Variants in SOX13 observed in about 807,000 individuals in gnomAD.
SOX13 encodes the protein transcription factor SOX-13.
In SOX13, 28 loss-of-function variants were observed where a neutral mutation model predicts 71.8. The ratio of observed to expected loss-of-function variants is 0.39; its 90% CI spans 0.29 to 0.53. The LOEUF is 0.53. Ranked by LOEUF, SOX13 falls within the 20% of genes least tolerant of loss-of-function variation. SOX13 has a pLI of 0.70. For synonymous variants in SOX13, 309 were observed against 317.8 expected (o/e 0.97, Z 0.29); for missense variants, 627 against 810.3 (o/e 0.77, Z 2.75).
intron 1 of SOX13, among the ~76,000 whole-genome samples, chr1:204,110,006 A>G (rs903521768): frequency 1.3e-5 from 2 of 150,414 alleles, no homozygotes; most frequent in Non-Finnish European, 3.0e-5. Flanking sequence ...CTAATTTTGT[A>G]TTTTTAGTAG....
intron 7 of SOX13, 23 bp downstream of exon 7, chr1:204,117,730 C>T (rs1002332744): frequency 8.5e-6 from 13 of 1,528,488 alleles, no homozygotes; most frequent in Non-Finnish European, 9.9e-6. Context: ...AGGGAGGTTC[C>T]ACCACTGCGG....
At chr1:204,077,243 A>G (rs1281520085) in intron 1 of SOX13, among the ~76,000 whole-genome samples, 1 of 152,246 alleles carries the variant, frequency 6.6e-6, no homozygotes, top group Non-Finnish European at 1.5e-5. Context: ...TGGAGAAATC[A>G]GAGGAGAGCC....
In SOX13 at chr1:204,116,895, C is replaced by T. The variant is rs138649885; in HGVS notation, c.591+216C>T. ...GTGGGAGGGTATGAAAGGGACTCTG[C>T]AGGAAGAGCAGCTTGCAGCTTCCTG... is the stretch of plus-strand genomic sequence containing the variant. On this transcript the variant is annotated intron_variant, in intron 5 of 13. Coordinates refer to ENST00000367204, the MANE Select transcript of SOX13 (RefSeq NM_005686.3). 2.8e-3 allele frequency among the ~76,000 whole-genome samples: 422 copies of T among 152,286 alleles called. 1 individual carries two copies. Among genetic ancestry groups the T allele is most frequent in the Admixed American group, 8.6e-3 (131 of 15,308 alleles).
At chr1:204,117,046 T>G (rs1571590592) in intron 5 of SOX13, 76 bp from the exon 6 acceptor site, 1 of 1,416,058 alleles carries the variant, frequency 7.1e-7, no homozygotes, top group Non-Finnish European at 9.9e-7. Flanking sequence ...GAAAGCAGGG[T>G]GTGGTTAGGG....
intron 1 of SOX13, among the ~76,000 whole-genome samples, chr1:204,106,590 A>G (rs1183102243): frequency 6.6e-6 from 1 of 151,172 alleles, no homozygotes; most frequent in African/African-American, 2.4e-5. Context: ...CGTGATCTCA[A>G]CTGACTGCAA....
intron 1 of SOX13, among the ~76,000 whole-genome samples, chr1:204,106,402 A>T (rs1656471193): frequency 6.6e-6 from 1 of 152,154 alleles, no homozygotes; most frequent in Non-Finnish European, 1.5e-5. Context: ...CTCTCTTGTC[A>T]TTCTAAGAAT....
Position 204,121,976 on chromosome 1 carries a change from C to CA in SOX13, c.852_853insA (p.Pro285ThrfsTer62). ...GGCCTGGGGCCATGGCCACCCACCA[C>CA]CCCCTGCAGGTACCGCCCTCTACCC... On this transcript the variant is annotated frameshift_variant, in exon 8 of 14. Coordinates refer to ENST00000367204, the MANE Select transcript of SOX13 (RefSeq NM_005686.3). LOFTEE classifies it high-confidence loss of function. 6.2e-7 allele frequency: 1 copy of CA among 1,604,504 alleles called. No individual in the cohort carries two copies. The highest frequency in any genetic ancestry group is 8.5e-7 in the Non-Finnish European group (1 of 1,171,758).
intron 1 of SOX13, among the ~76,000 whole-genome samples, chr1:204,090,471 T>C (rs1438141837): frequency 4.0e-5 from 6 of 150,474 alleles, no homozygotes; most frequent in Admixed American, 1.3e-4. Context: ...TATAGTGGCA[T>C]GATCTTGGCT....
chr1:204,076,223 G>A (rs1655783495), intron 1 of SOX13, among the ~76,000 whole-genome samples: 1 of 152,142 alleles, frequency 6.6e-6, no homozygotes, highest in Non-Finnish European at 1.5e-5. Context: ...TCTCCAAAAG[G>A]GTGTCCCTTG....
chr1:204,108,826 G>A (rs894825545), intron 1 of SOX13, among the ~76,000 whole-genome samples: 1 of 152,228 alleles, frequency 6.6e-6, no homozygotes, highest in African/African-American at 2.4e-5. Context: ...ATTCAGTGCT[G>A]CTGCCTTTTA....
At position 204,081,023 on chromosome 1, in the gene SOX13, T is replaced by TGG. The variant is rs1655895644; in HGVS notation, c.-2+7313_-2+7314insGG. Among the ~76,000 whole-genome samples the TGG allele has an allele frequency of 6.6e-6, 1 of 150,958 alleles. No homozygotes were observed. The highest frequency in any genetic ancestry group is 2.0e-4 in the East Asian group (1 of 5,042). On this transcript the variant is annotated intron_variant, in intron 1 of 13. Transcript: ENST00000367204. The surrounding 1 kb of genome is among the most constrained non-coding windows in gnomAD (Gnocchi z 4.3). ...GCCTCCCAGGTTCAAGCAATTCTCC[T>TGG]GCCTCAGCCTCCTGAGTAGCTGGGA... is the stretch of plus-strand genomic sequence containing the variant.
chr1:204,123,821 G>C lies in SOX13; in HGVS notation c.1375+17G>C. The C allele has an allele frequency of 6.2e-7, 1 of 1,613,824 alleles. No homozygotes were observed. The highest frequency in any genetic ancestry group is 8.5e-7 in the Non-Finnish European group (1 of 1,179,822). ...AGATCCTTGGTAAGGGCCAGTGGCT[G>C]GGGCCATGGTTCAGTGTGACCTGGT... is the stretch of plus-strand genomic sequence containing the variant. On this transcript the variant is annotated intron_variant, in intron 12 of 13. Transcript: ENST00000367204. This position sits in a 1 kb window ranked among gnomAD's most constrained non-coding sequence, Gnocchi z 5.0.
Position 204,123,950 on chromosome 1 carries a change from G to A in SOX13, c.1375+146G>A. The A allele has an allele frequency of 1.1e-6, 1 of 909,208 alleles. No homozygotes were observed. Among genetic ancestry groups the A allele is most frequent in the East Asian group, 2.7e-5 (1 of 37,612 alleles). The allele number at this position is 909,208 out of a possible 1,614,324, so 56.3% of individuals were successfully genotyped here. On this transcript the variant is annotated intron_variant, in intron 12 of 13. Coordinates refer to ENST00000367204, the MANE Select transcript of SOX13 (RefSeq NM_005686.3). The surrounding 1 kb of genome is among the most constrained non-coding windows in gnomAD (Gnocchi z 5.0). Reference sequence around the variant, plus strand: ...CAGGGGTGCAGGAGTTGCTGGGGATGTGAGGGCAGCTGGGTCCTGGGGTCT... The same window carrying A: ...CAGGGGTGCAGGAGTTGCTGGGGATATGAGGGCAGCTGGGTCCTGGGGTCT...
In SOX13 at chr1:204,114,334, C is replaced by T. The variant is rs756352051; in HGVS notation, c.233C>T (p.Pro78Leu). The change falls in exon 3 of 14, where the codon CCA (proline) becomes CTA (leucine). Residue 78 changes from proline (P) to leucine (L), a missense_variant. Physicochemically the swap from Pro to Leu is moderately conservative, Grantham distance 98 (BLOSUM62 -3). This residue lies in a region of SOX13 where 447 missense variants were observed against 532.2 expected (regional missense o/e 0.84). Coordinates refer to ENST00000367204, the MANE Select transcript of SOX13 (RefSeq NM_005686.3). Reference sequence around the variant, plus strand: ...TATGTCTTGCAGGACTGTAGCTCTCCAGAGGGTAATGGGTCCCCAGAACCC... The same window carrying T: ...TATGTCTTGCAGGACTGTAGCTCTCTAGAGGGTAATGGGTCCCCAGAACCC... ...NFRGSWDCSS[P>L]EGNGSPEPKR... is the part of the protein sequence containing the mutation. 4.4e-6 allele frequency: 7 copies of T among 1,605,316 alleles called. No individual in the cohort carries two copies. The highest frequency in any genetic ancestry group is 6.0e-6 in the Non-Finnish European group (7 of 1,175,400).
rs1242912895 is a variant in SOX13 at position 204,093,297 on chromosome 1, T to TA, written c.-2+19588dup. 3.3e-5 allele frequency among the ~76,000 whole-genome samples: 5 copies of TA among 152,118 alleles called. No homozygotes were observed. The South Asian group carries it at 1.0e-3, about 32-fold the overall frequency. On this transcript the variant is annotated intron_variant, in intron 1 of 13. Coordinates refer to ENST00000367204, the MANE Select transcript of SOX13 (RefSeq NM_005686.3). ...TTTTCTTCCCACCTTAACTGGTTACTAAGGGGACAGTTCTACACTACACAG... is the reference window on the plus strand; with the variant it reads ...TTTTCTTCCCACCTTAACTGGTTACTAAAGGGGACAGTTCTACACTACACAG...
rs1390733150 is a variant in SOX13 at position 204,090,320 on chromosome 1, T to C, written c.-2+16609T>C. On this transcript the variant is annotated intron_variant, in intron 1 of 13. Transcript: ENST00000367204. ...ATTATTATCCTCCACACTGAGCTGA[T>C]GGCCACTTAACCCTGAGGCTGGTTA... Among the ~76,000 whole-genome samples the C allele has an allele frequency of 4.6e-5, 7 of 152,184 alleles. No homozygotes were observed. In the Middle Eastern group the frequency reaches 0.014, roughly 296 times the overall value.
intron 1 of SOX13, among the ~76,000 whole-genome samples, chr1:204,112,541 G>A (rs981495774): frequency 5.2e-5 from 6 of 115,282 alleles, no homozygotes; most frequent in African/African-American, 1.7e-4. Flanking sequence ...TCTCTCTCTC[G>A]CTGTCGCTCT....
At chr1:204,079,984 CAGCT>C (rs757805873) in intron 1 of SOX13, among the ~76,000 whole-genome samples, 1 of 151,850 alleles carries the variant, frequency 6.6e-6, no homozygotes, top group South Asian at 2.1e-4. Flanking sequence ...AGGGTGTGCA[CAGCT>C]AGGAGACGTC....
Position 204,117,649 on chromosome 1 carries a change from G to A in SOX13, c.717G>A (p.Leu239=). The part of the protein sequence containing the change: ...IPAFPPSHQP[L]PVTPDSQLAL... ...CCTTCCCCCCAAGCCACCAACCTCTGCCTGTCACCCCTGACTCCCAGCTGG... is the reference window on the plus strand; with the variant it reads ...CCTTCCCCCCAAGCCACCAACCTCTACCTGTCACCCCTGACTCCCAGCTGG... The change falls in exon 7 of 14, where the codon CTG becomes CTA. Residue 239 remains leucine, a synonymous_variant. Transcript: ENST00000367204. 6.2e-7 allele frequency: 1 copy of A among 1,613,744 alleles called. No individual in the cohort carries two copies. Among genetic ancestry groups the A allele is most frequent in the South Asian group, 1.1e-5 (1 of 90,954 alleles).
Sources: gnomAD v4.1 joint callset for allele counts (sites outside exome capture counted in the v4.1 genomes callset) on GRCh38, gnomAD v4.1.1 for gene constraint, gnomAD v4.1.1 regional missense constraint, Gnocchi (gnomAD v3.1) non-coding constraint, MANE v1.5 for transcripts, NCBI Gene and HGNC (gene_info 2026-07-23, HGNC 2026-07-21) for gene names.